Variants in DAZAP2 observed in about 807,000 individuals in gnomAD.
The protein encoded by DAZAP2 is DAZ-associated protein 2.
Under a neutral mutation model 16.2 loss-of-function variants are expected in DAZAP2, and 3 were observed. The observed-to-expected ratio is 0.19, with a 90% CI of 0.08 to 0.48. The LOEUF (loss-of-function observed/expected upper bound fraction) is 0.48. Ranked by LOEUF, DAZAP2 falls within the 20% of genes least tolerant of loss-of-function variation. The pLI is 0.98. For missense variants in DAZAP2, 172 were observed against 215.9 expected (o/e 0.80, Z 1.27); for synonymous variants, 69 against 77.6 (o/e 0.89, Z 0.58).
chr12:51,246,060 G>A, downstream of DAZAP2: 2 of 1,613,920 alleles, frequency 1.2e-6, no homozygotes, highest in Non-Finnish European at 1.7e-6. Flanking sequence ...TTCTTGTACA[G>A]GTAAAAGAAG....
chr12:51,244,218 A>G (rs1944733697), downstream of DAZAP2, among the ~76,000 whole-genome samples: 1 of 152,076 alleles, frequency 6.6e-6, no homozygotes, highest in Non-Finnish European at 1.5e-5. Context: ...TTATTTTTTG[A>G]GACAGGGTCT....
intron 1 of DAZAP2, 73 bp downstream of exon 1, chr12:51,238,993 G>C (rs570423198): frequency 6.3e-7 from 1 of 1,592,786 alleles, no homozygotes; most frequent in Admixed American, 1.8e-5. Context: ...CGGAGCCCAG[G>C]GTCACCAAAC....
chr12:51,246,208 C>G (rs11169777), downstream of DAZAP2: 1 of 1,529,994 alleles, frequency 6.5e-7, no homozygotes, highest in Non-Finnish European at 8.8e-7. Flanking sequence ...TCACTGTTTT[C>G]GTAAAGATCC....
At position 51,241,019 on chromosome 12, in the gene DAZAP2, T is replaced by G; in HGVS notation, c.281T>G (p.Val94Gly). 6.2e-7 allele frequency: 1 copy of G among 1,614,122 alleles called. No homozygotes were observed. The highest frequency in any genetic ancestry group is 8.5e-7 in the Non-Finnish European group (1 of 1,180,040). The change falls in exon 3 of 4, where the codon GTC becomes GGC. Residue 94 changes from valine to glycine, a missense_variant. Transcript: ENST00000412716. ...ACAATCCCCATGGCTTATTATCCAG[T>G]CGGTCCCATCTATCCACCTGGCTCC... is the stretch of plus-strand genomic sequence containing the variant. ...GSTIPMAYYP[V>G]GPIYPPGSTV...
At chr12:51,244,392 A>T (rs773457465), downstream of DAZAP2, among the ~76,000 whole-genome samples, 1 of 152,152 alleles carries the variant, frequency 6.6e-6, no homozygotes, top group Non-Finnish European at 1.5e-5. Context: ...AGACGGCTTC[A>T]CTGCGTTGGC....
chr12:51,239,169 G>C (rs796969855), intron 1 of DAZAP2: 38 of 529,858 alleles, frequency 7.2e-5, no homozygotes, highest in Admixed American at 1.1e-4. Context: ...GTGGTGGGGG[G>C]GCTTGACATG....
At chr12:51,239,152 G>C in intron 1 of DAZAP2, 1 of 576,382 alleles carries the variant, frequency 1.7e-6, no homozygotes, top group Non-Finnish European at 2.9e-6. Flanking sequence ...TGGAGCTGCG[G>C]GCTCGGGTGG....
chr12:51,240,487 C>G, intron 2 of DAZAP2, 26 bp downstream of exon 2: 2 of 1,569,034 alleles, frequency 1.3e-6, no homozygotes, highest in Non-Finnish European at 1.8e-6. Context: ...CAGATTTGAA[C>G]TAGCTGGGAA....
At chr12:51,246,620 G>GTA, downstream of DAZAP2, 1 of 563,704 alleles carries the variant, frequency 1.8e-6, no homozygotes, top group Non-Finnish European at 3.0e-6. Context: ...GTGTGTGTGT[G>GTA]TGTGTGTGTG....
intron 1 of DAZAP2, 147 bp from the exon 2 acceptor site, chr12:51,240,196 T>G: frequency 1.5e-6 from 1 of 679,276 alleles, no homozygotes; most frequent in South Asian, 1.7e-5. Context: ...ATGCATATTT[T>G]CTTAGTTCCA....
downstream of DAZAP2, chr12:51,246,020 G>T: frequency 1.9e-6 from 3 of 1,613,940 alleles, no homozygotes; most frequent in Non-Finnish European, 2.5e-6. Flanking sequence ...CTCACCTTCT[G>T]TAGGTTCATA....
chr12:51,240,878 G>T lies in DAZAP2; in HGVS notation c.140G>T (p.Arg47Leu). 5.6e-6 allele frequency: 9 copies of T among 1,613,682 alleles called. No individual in the cohort carries two copies. Among genetic ancestry groups the T allele is most frequent in the Non-Finnish European group, 7.6e-6 (9 of 1,179,780 alleles). ...DAPPAYSELY[R>L]PSFVHPGAAT... Reference sequence around the variant, plus strand: ...CTCTTCTGCCTCTTCTAGCTCTATCGTCCGAGCTTTGTGCACCCAGGGGCT... The same window carrying T: ...CTCTTCTGCCTCTTCTAGCTCTATCTTCCGAGCTTTGTGCACCCAGGGGCT... Residue 47 changes from arginine to leucine, a missense_variant, in exon 3 of 4, where the codon CGT becomes CTT. Transcript: ENST00000412716.
downstream of DAZAP2, chr12:51,246,105 C>T: frequency 6.2e-7 from 1 of 1,613,760 alleles, no homozygotes; most frequent in Non-Finnish European, 8.5e-7. Context: ...GTGAGGAAGA[C>T]AACGGTGATA....
At chr12:51,240,132 G>A in intron 1 of DAZAP2, 1 of 573,844 alleles carries the variant, frequency 1.7e-6, no homozygotes, top group Non-Finnish European at 3.1e-6. Flanking sequence ...AGTGAGCAGT[G>A]CCTTTCTTGT....
intron 1 of DAZAP2, 73 bp downstream of exon 1, chr12:51,238,993 G>A (rs570423198): frequency 6.3e-7 from 1 of 1,592,904 alleles, no homozygotes; most frequent in African/African-American, 1.3e-5. Context: ...CGGAGCCCAG[G>A]GTCACCAAAC....
At chr12:51,239,994 AC>A in intron 1 of DAZAP2, 1 of 279,260 alleles carries the variant, frequency 3.6e-6, no homozygotes, top group South Asian at 4.5e-5. Context: ...TGTGGAGACT[AC>A]CTAGAGCAGA....
chr12:51,246,069 A>T (rs760527402), downstream of DAZAP2: 6 of 1,614,034 alleles, frequency 3.7e-6, no homozygotes, highest in South Asian at 5.5e-5. Flanking sequence ...AGGTAAAAGA[A>T]GATCAAGATC....
rs1489745529 is a variant in DAZAP2 at position 51,243,086 on chromosome 12, C to T, written c.*628C>T. The stretch of plus-strand genomic sequence containing the variant: ...CTTTTAACTAGTGTTTCACAAGGAT[C>T]CTCTGAAACCCTCTCTGTGCCCCAA... On this transcript the variant is annotated 3_prime_UTR_variant, in exon 4 of 4. Transcript: ENST00000412716. 1 of 989,334 alleles carries T rather than the reference C, an allele frequency of 1.0e-6. No homozygotes were observed. 61.3% of individuals were successfully genotyped at this position (989,334 alleles called of 1,614,324 possible).
downstream of DAZAP2, chr12:51,246,115 A>G (rs114378235): frequency 9.8e-3 from 15,852 of 1,613,770 alleles, 693 homozygotes; most frequent in East Asian, 0.11. Context: ...CAACGGTGAT[A>G]ACAACTTGGA....
Sources: gnomAD v4.1 joint callset for allele counts (sites outside exome capture counted in the v4.1 genomes callset) on GRCh38, gnomAD v4.1.1 for gene constraint, MANE v1.5 for transcripts, NCBI Gene and HGNC (gene_info 2026-07-23, HGNC 2026-07-21) for gene names.